VEZT: variants seen among roughly 807,000 people sequenced by gnomAD.
VEZT encodes vezatin, adherens junctions transmembrane protein.
A neutral mutation model predicts 79.9 loss-of-function variants in VEZT; 39 were observed. The observed-to-expected ratio is 0.49, with a 90% confidence interval of 0.38 to 0.64. The LOEUF is 0.64. Ranked by LOEUF, VEZT falls within the 30% of genes least tolerant of loss-of-function variation. The pLI is 0.00. For synonymous variants in VEZT, 325 were observed against 327.6 expected, an observed-to-expected ratio of 0.99 and a Z score of 0.09; for missense variants, 837 against 893.1, an observed-to-expected ratio of 0.94 and a Z score of 0.80.
intron 1 of VEZT, among the ~76,000 whole-genome samples, chr12:95,244,629 C>T (rs1314837967): frequency 6.6e-6 from 1 of 151,004 alleles, no homozygotes; most frequent in Admixed American, 6.6e-5. Context: ...GCCCTGTCAT[C>T]CAGGCTGGTG....
At chr12:95,282,742 A>G (rs2069506906) in intron 8 of VEZT, 98 bp downstream of exon 8, 9 of 1,018,430 alleles carry the variant, frequency 8.8e-6, no homozygotes, top group Non-Finnish European at 1.3e-5. Flanking sequence ...TAGAAAAAAG[A>G]AACAAAACTG....
At chr12:95,271,400 T>C (rs1299677363) in intron 6 of VEZT, among the ~76,000 whole-genome samples, 11 of 152,284 alleles carry the variant, frequency 7.2e-5, no homozygotes, top group Admixed American at 5.9e-4. Context: ...TCAGTATTCA[T>C]AATATTATAT....
At chr12:95,278,403 A>G (rs990429786) in intron 7 of VEZT, among the ~76,000 whole-genome samples, 4 of 152,162 alleles carry the variant, frequency 2.6e-5, no homozygotes, top group Non-Finnish European at 2.9e-5. Context: ...ACCAAACTCA[A>G]TGATTGTGTT....
At chr12:95,263,114 C>T in intron 4 of VEZT, 33 bp downstream of exon 4, 2 of 1,530,736 alleles carry the variant, frequency 1.3e-6, no homozygotes, top group South Asian at 1.3e-5. Context: ...TCTTTGACTG[C>T]TTACATACAG....
chr12:95,302,179 C>T lies in VEZT; in HGVS notation c.*1506C>T, dbSNP rs1431422796. On this transcript the variant is annotated 3_prime_UTR_variant, in exon 12 of 12. Coordinates refer to ENST00000436874, the MANE Select transcript of VEZT (RefSeq NM_017599.4). ...AATCACTTATTTAGTTTACCGACTTCATTTTTCTTTGGATTTAGAAGAAGC... is the reference window on the plus strand; with the variant it reads ...AATCACTTATTTAGTTTACCGACTTTATTTTTCTTTGGATTTAGAAGAAGC... 1 of 152,124 alleles carries T rather than the reference C, an allele frequency of 6.6e-6. No individual in the cohort carries two copies. Among genetic ancestry groups the T allele is most frequent in the Non-Finnish European group, 1.5e-5 (1 of 67,974 alleles). 9.4% of individuals were successfully genotyped at this position (152,124 alleles called of 1,614,324 possible). A position where few individuals can be genotyped will look rare whatever the true frequency, so the allele number is the denominator to read the frequency against.
intron 6 of VEZT, among the ~76,000 whole-genome samples, chr12:95,271,001 G>T (rs1172177557): frequency 6.6e-6 from 1 of 152,104 alleles, no homozygotes; most frequent in Non-Finnish European, 1.5e-5. Context: ...AGTTTACAGG[G>T]TGCTTTATGT....
intron 1 of VEZT, among the ~76,000 whole-genome samples, chr12:95,219,395 G>A (rs2057223713): frequency 6.6e-6 from 1 of 152,104 alleles, no homozygotes; most frequent in Non-Finnish European, 1.5e-5. Context: ...GTAAATGTGT[G>A]TTTATGTGTG....
At chr12:95,257,078 A>C (rs2063584711) in intron 2 of VEZT, 72 bp from the exon 3 acceptor site, 3 of 1,200,556 alleles carry the variant, frequency 2.5e-6, no homozygotes, top group Non-Finnish European at 3.5e-6. Context: ...ATTGGAGGTA[A>C]GTACTTTGAA....
intron 1 of VEZT, among the ~76,000 whole-genome samples, chr12:95,227,978 C>A (rs915173003): frequency 6.6e-6 from 1 of 152,138 alleles, no homozygotes; most frequent in African/African-American, 2.4e-5. Flanking sequence ...CCTTGGTAAC[C>A]TTATCCTCTG....
chr12:95,274,701 T>C, intron 6 of VEZT, 41 bp from the exon 7 acceptor site: 1 of 1,575,360 alleles, frequency 6.3e-7, no homozygotes, highest in Non-Finnish European at 8.6e-7. Context: ...CTTTTATGCT[T>C]TCATGAAAAG....
chr12:95,242,233 C>T (rs1260572783), intron 1 of VEZT: 1 of 152,104 alleles, frequency 6.6e-6, no homozygotes. Context: ...TGGTGGCTCA[C>T]ACTTGTAATC....
intron 1 of VEZT, among the ~76,000 whole-genome samples, chr12:95,247,124 A>ATTAT (rs1187763867): frequency 6.6e-6 from 1 of 152,228 alleles, no homozygotes; most frequent in Non-Finnish European, 1.5e-5. Flanking sequence ...ATACTAAGAC[A>ATTAT]TTATTTGCCT....
intron 9 of VEZT, among the ~76,000 whole-genome samples, chr12:95,291,996 C>T (rs940222432): frequency 6.6e-6 from 1 of 152,060 alleles, no homozygotes; most frequent in South Asian, 2.1e-4. Flanking sequence ...GATGGGTTTT[C>T]GTCATGTTGG....
chr12:95,238,688 GC>G (rs796269603), intron 1 of VEZT, among the ~76,000 whole-genome samples: 202 of 152,160 alleles, frequency 1.3e-3, no homozygotes, highest in African/African-American at 4.7e-3. Flanking sequence ...TTGTTGCTAC[GC>G]CACTGTTTCA....
chr12:95,294,429 CA>C (rs1424036389), intron 10 of VEZT, 57 bp downstream of exon 10: 2 of 1,306,014 alleles, frequency 1.5e-6, no homozygotes, highest in Admixed American at 2.0e-5. Flanking sequence ...TAATGAGCTT[CA>C]AAATTACAAC....
chr12:95,225,653 T>G (rs1449724162), intron 1 of VEZT, among the ~76,000 whole-genome samples: 3 of 149,412 alleles, frequency 2.0e-5, no homozygotes, highest in African/African-American at 7.4e-5. Context: ...GAACTTGGAG[T>G]CTCTCCACTG....
At chr12:95,271,463 G>A (rs1440926442) in intron 6 of VEZT, among the ~76,000 whole-genome samples, 1 of 152,204 alleles carries the variant, frequency 6.6e-6, no homozygotes, top group Non-Finnish European at 1.5e-5. Flanking sequence ...GGTTTATGGA[G>A]TCAGAGAATG....
chr12:95,283,488 T>A (rs1018245655), intron 8 of VEZT, among the ~76,000 whole-genome samples: 1 of 152,160 alleles, frequency 6.6e-6, no homozygotes, highest in African/African-American at 2.4e-5. Context: ...TACTTGACCC[T>A]GGGATACAAG....
intron 7 of VEZT, among the ~76,000 whole-genome samples, chr12:95,280,391 C>T (rs1240423825): frequency 1.3e-5 from 2 of 151,932 alleles, no homozygotes; most frequent in African/African-American, 4.8e-5. Flanking sequence ...TCAGGTGACA[C>T]TTTTAGAGAC....
Sources: allele counts gnomAD v4.1 joint callset (sites outside exome capture counted in the v4.1 genomes callset), GRCh38; gene constraint gnomAD v4.1.1; transcripts MANE v1.5; gene names NCBI Gene and HGNC (gene_info 2026-07-23, HGNC 2026-07-21).